MYO18B: variants seen among roughly 807,000 people sequenced by gnomAD.
MYO18B encodes myosin XVIIIB.
In MYO18B, 204 loss-of-function variants were observed where a neutral mutation model predicts 273.0. The observed-to-expected ratio is 0.75, with a 90% CI of 0.67 to 0.84. The LOEUF (loss-of-function observed/expected upper bound fraction) is 0.84. MYO18B is among the 40% of genes least tolerant of loss of function. MYO18B has a pLI of 0.00. For synonymous variants in MYO18B, 1,330 were observed against 1,305.7 expected, an observed-to-expected ratio of 1.02 and a Z score of -0.40; for missense variants, 3,212 against 3,287.6, an observed-to-expected ratio of 0.98 and a Z score of 0.56.
chr22:25,892,884 GT>G (rs769012821), intron 27 of MYO18B, among the ~76,000 whole-genome samples: 7 of 152,326 alleles, frequency 4.6e-5, no homozygotes, highest in South Asian at 4.2e-4. Context: ...AGGGGCGCCA[GT>G]GTCAGTTCCA....
Position 25,903,743 on chromosome 22 carries a change from AG to A in MYO18B, c.5062del (p.Glu1688ArgfsTer41), listed in dbSNP as rs774286502. 1 of 1,605,476 alleles carries A rather than the reference AG, an allele frequency of 6.2e-7. No individual in the cohort carries two copies. The highest frequency in any genetic ancestry group is 1.1e-5 in the South Asian group (1 of 89,120). On this transcript the variant is annotated frameshift_variant, in exon 31 of 44. Coordinates refer to ENST00000335473, the MANE Select transcript of MYO18B (RefSeq NM_032608.7). LOFTEE classifies it high-confidence loss of function. Reference protein sequence around the residue: ...SLGENCVAGLKERLWKLESSA... With the variant: ...SLGENCVAGLXERLWKLESSA... ...GGGGAAAATTGCGTTGCTGGCTTGAAGGAGAGGCTCTGGAAGTTGGAATCCA... is the reference window on the plus strand; with the variant it reads ...GGGGAAAATTGCGTTGCTGGCTTGAAGAGAGGCTCTGGAAGTTGGAATCCA...
At chr22:25,783,006 C>T (rs1021586977) in intron 10 of MYO18B, among the ~76,000 whole-genome samples, 1 of 152,184 alleles carries the variant, frequency 6.6e-6, no homozygotes, top group South Asian at 2.1e-4. Context: ...CCTCTCTGAG[C>T]CTGACTTTCC....
rs71191082 is a variant in MYO18B, at chr22:25,836,964, A to AAATAATAAT, written c.3208+1560_3208+1568dup. 7.4e-3 allele frequency among the ~76,000 whole-genome samples: 1,056 copies of AAATAATAAT among 142,122 alleles called. 8 individuals carry two copies. Among genetic ancestry groups the AAATAATAAT allele is most frequent in the Non-Finnish European group, 8.8e-3 (580 of 65,736 alleles). 93.2% of individuals were successfully genotyped at this position (142,122 alleles called of 152,430 possible). ...ACAACAAGAGTGAAATTCCATCTCA[A>AAATAATAAT]AATAATAATAATAATAATAATAATA... On this transcript the variant is annotated intron_variant, in intron 17 of 43. Coordinates refer to ENST00000335473, the MANE Select transcript of MYO18B (RefSeq NM_032608.7).
Position 25,768,727 on chromosome 22 carries a change from C to G in MYO18B, c.811C>G (p.Gln271Glu). The G allele has an allele frequency of 6.3e-7, 1 of 1,594,828 alleles. No homozygotes were observed. Among genetic ancestry groups the G allele is most frequent in the South Asian group, 1.1e-5 (1 of 87,298 alleles). The change falls in exon 4 of 44, where the codon CAA becomes GAA. Residue 271 changes from glutamine to glutamate, a missense_variant. By Grantham distance (29) the Gln-to-Glu change is conservative. Transcript: ENST00000335473. ...KDRQGTRPQA[Q>E]GPGEGVRPGK... The stretch of plus-strand genomic sequence containing the variant: ...CAGGCAGGGGACCAGGCCCCAAGCC[C>G]AAGGGCCCGGCGAGGGGGTGCGACC...
At chr22:25,804,532 A>C (rs2088375963) in intron 12 of MYO18B, among the ~76,000 whole-genome samples, 1 of 152,218 alleles carries the variant, frequency 6.6e-6, no homozygotes, top group Non-Finnish European at 1.5e-5. Context: ...TAAGGCTCTC[A>C]GGCTTTACAC....
intron 39 of MYO18B, among the ~76,000 whole-genome samples, chr22:25,956,258 C>G (rs925741093): frequency 3.3e-5 from 5 of 151,152 alleles, no homozygotes; most frequent in Non-Finnish European, 7.4e-5. Flanking sequence ...CACTGTTTGC[C>G]AGGCTGGGGT....
At chr22:26,063,226 A>T in the MYO18B span, among the ~76,000 whole-genome samples, 1 of 152,194 alleles carries the variant, frequency 6.6e-6, no homozygotes, top group Middle Eastern at 3.2e-3. Context: ...TCCAGCTGAG[A>T]AGCAGTTTTC....
intron 1 of MYO18B, among the ~76,000 whole-genome samples, chr22:25,745,472 G>GACACACACACACACAC (rs3068433): frequency 9.6e-5 from 14 of 146,118 alleles, no homozygotes; most frequent in African/African-American, 2.3e-4. Flanking sequence ...CTCTCTCTCT[G>GACACACACACACACAC]ACACACACAC....
the MYO18B span, among the ~76,000 whole-genome samples, chr22:26,048,489 C>T: frequency 1.3e-5 from 2 of 152,102 alleles, no homozygotes; most frequent in African/African-American, 4.8e-5. Flanking sequence ...CAGAGCATGA[C>T]TCCTGTGACC....
intron 12 of MYO18B, among the ~76,000 whole-genome samples, chr22:25,822,273 C>T (rs186108967): frequency 8.5e-4 from 130 of 152,308 alleles, no homozygotes; most frequent in African/African-American, 2.9e-3. Flanking sequence ...TCCTTCTCAC[C>T]TTTCATAGCT....
At chr22:25,964,139 G>A (rs994425690) in intron 39 of MYO18B, 1 of 152,496 alleles carries the variant, frequency 6.6e-6, no homozygotes, top group African/African-American at 2.4e-5. Flanking sequence ...TCCTCTTGAA[G>A]CATGCAGCTT....
chr22:25,753,182 C>T (rs2085993003), intron 1 of MYO18B, among the ~76,000 whole-genome samples: 1 of 152,100 alleles, frequency 6.6e-6, no homozygotes. Flanking sequence ...CCCGTGGCCC[C>T]AGCGCAAGAT....
intron 25 of MYO18B, among the ~76,000 whole-genome samples, chr22:25,882,131 GATTA>G (rs1681184104): frequency 6.6e-6 from 1 of 152,134 alleles, no homozygotes; most frequent in African/African-American, 2.4e-5. Context: ...CCCCTCACAG[GATTA>G]ATTGACTCTT....
intron 42 of MYO18B, among the ~76,000 whole-genome samples, chr22:26,013,264 G>T (rs890656201): frequency 6.6e-6 from 1 of 152,180 alleles, no homozygotes. Context: ...ATTTTTGGCT[G>T]TCATGCTACT....
chr22:25,999,635 C>CCTTT (rs1569281013), intron 40 of MYO18B, among the ~76,000 whole-genome samples: 139 of 123,166 alleles, frequency 1.1e-3, no homozygotes, highest in African/African-American at 4.0e-3. Context: ...TCCTCCTCCT[C>CCTTT]CTCCTTTCTC....
intron 1 of MYO18B, among the ~76,000 whole-genome samples, chr22:25,745,667 C>T (rs576165858): frequency 7.2e-5 from 11 of 151,916 alleles, no homozygotes; most frequent in African/African-American, 2.7e-4. Context: ...ATTGTAGTTT[C>T]TGGCAACAGA....
chr22:25,917,380 C>G (rs1055105285), intron 33 of MYO18B, among the ~76,000 whole-genome samples: 19 of 152,196 alleles, frequency 1.2e-4, no homozygotes, highest in African/African-American at 3.6e-4. Flanking sequence ...TATTTAGGTG[C>G]ATCTAAGTTT....
chr22:25,778,321 G>GAGGAGGGCTGC (rs2086998239), intron 8 of MYO18B, among the ~76,000 whole-genome samples: 1 of 152,180 alleles, frequency 6.6e-6, no homozygotes, highest in Non-Finnish European at 1.5e-5. Flanking sequence ...AGGGAGCGCA[G>GAGGAGGGCTGC]AGGAGGGCTG....
In MYO18B at chr22:25,779,659, T is replaced by C. The variant is rs147283792; in HGVS notation, c.2069-397T>C. ...GCAATGAATAGTAGTGGGGAGATTA[T>C]AGGATTTTGCAAGCCTGCCTCTAAG... On this transcript the variant is annotated intron_variant, in intron 8 of 43. Transcript: ENST00000335473. 4.8e-3 allele frequency among the ~76,000 whole-genome samples: 727 copies of C among 152,330 alleles called. 8 individuals carry two copies. Among genetic ancestry groups the C allele is most frequent in the African/African-American group, 0.016 (653 of 41,558 alleles).
Sources: gnomAD v4.1 joint callset for allele counts (sites outside exome capture counted in the v4.1 genomes callset) on GRCh38, gnomAD v4.1.1 for gene constraint, MANE v1.5 for transcripts, NCBI Gene and HGNC (gene_info 2026-07-23, HGNC 2026-07-21) for gene names.